The following MACF1 variants were observed in gnomAD, a reference collection of about 807,000 sequenced individuals.
MACF1 encodes the protein microtubule-actin cross-linking factor 1.
MACF1 carries 193 observed loss-of-function variants against 854.8 expected under a neutral mutation model. That is an observed-to-expected ratio of 0.23 (90% CI 0.20 to 0.25). MACF1 has a LOEUF of 0.25. Ranked by LOEUF, MACF1 falls within the 10% of genes least tolerant of loss-of-function variation. The pLI, the probability that MACF1 is intolerant of heterozygous loss-of-function variation, is 1.00. For synonymous variants in MACF1, 3,185 were observed against 3,226.7 expected, an observed-to-expected ratio of 0.99 and a Z score of 0.44; for missense variants, 7,722 against 8,929.1, an observed-to-expected ratio of 0.86 and a Z score of 5.45.
At chr1:39,240,997 G>A (rs1379220071) in intron 2 of MACF1, among the ~76,000 whole-genome samples, 4 of 150,568 alleles carry the variant, frequency 2.7e-5, no homozygotes, top group Non-Finnish European at 5.9e-5. Flanking sequence ...TTTATTCCCT[G>A]CATTTAAGCA....
rs115430156 is a variant in MACF1 at position 39,136,458 on chromosome 1, G to A, written c.220+52020G>A. Among the ~76,000 whole-genome samples, 614 of 152,290 alleles carry A rather than the reference G, an allele frequency of 4.0e-3. 3 individuals carry two copies. The highest frequency in any genetic ancestry group is 0.014 in the African/African-American group (593 of 41,556). ...CTGTGGATTCTCCTGTTTGTTTATA[G>A]GGTGGAAGGCGTGGTTTATACTGGT... On this transcript the variant is annotated intron_variant, in intron 2 of 93. Coordinates refer to the MACF1 transcript ENST00000361689.
In MACF1 at chr1:39,410,188, A is replaced by T. The variant is rs878983239; in HGVS notation, c.15817-12186A>T. 14 of 1,079,502 alleles carry T rather than the reference A, an allele frequency of 1.3e-5. No individual in the cohort carries two copies. The South Asian group carries it at 2.4e-4, about 18-fold the overall frequency. The allele number at this position is 1,079,502 out of a possible 1,614,324, so 66.9% of individuals were successfully genotyped here. A position where few individuals can be genotyped will look rare whatever the true frequency, so the allele number is the denominator to read the frequency against. ...GTATGAACAGCTAAAAGGATTTATA[A>T]CTTATGTAGAATGCATTTGGGGGGA... On this transcript the variant is annotated intron_variant, in intron 58 of 100. Coordinates refer to ENST00000564288, the MANE Select transcript of MACF1 (RefSeq NM_001394062.1).
chr1:39,095,140 A>C (rs1313422764), intron 2 of MACF1, among the ~76,000 whole-genome samples: 3 of 152,136 alleles, frequency 2.0e-5, no homozygotes, highest in African/African-American at 7.2e-5. Context: ...TATGTCTAAC[A>C]CTAACAGTGT....
At chr1:39,285,050 T>G in intron 11 of MACF1, 33 bp from the exon 12 acceptor site, 1 of 1,611,328 alleles carries the variant, frequency 6.2e-7, no homozygotes, top group South Asian at 1.1e-5. Context: ...AGGGCATGGC[T>G]GTGTTTTTGG....
chr1:39,451,969 A>C (rs1644350827), intron 85 of MACF1, among the ~76,000 whole-genome samples, 187 bp from the exon 86 acceptor site: 1 of 152,076 alleles, frequency 6.6e-6, no homozygotes, highest in Admixed American at 6.5e-5. Context: ...CGGCTTCCCA[A>C]AATGCTGGGA....
At chr1:39,477,077 A>ATATACACTTAGTG (rs1557675037) in intron 97 of MACF1, among the ~76,000 whole-genome samples, 253 of 19,194 alleles carry the variant, frequency 0.013, 15 homozygotes, top group African/African-American at 0.028. Context: ...ATATATATAT[A>ATATACACTTAGTG]TATATATATA....
chr1:39,215,809 A>G (rs963101881), intron 1 of MACF1, among the ~76,000 whole-genome samples: 2 of 137,874 alleles, frequency 1.5e-5, no homozygotes, highest in Admixed American at 7.1e-5. Context: ...TGGCGGGAGG[A>G]TGGGGGGTGG....
chr1:39,449,964 A>AT (rs1644305652), intron 84 of MACF1, among the ~76,000 whole-genome samples: 1 of 151,728 alleles, frequency 6.6e-6, no homozygotes, highest in Non-Finnish European at 1.5e-5. Context: ...GGTTCAAGCA[A>AT]TTCTTCTTCC....
intron 80 of MACF1, among the ~76,000 whole-genome samples, 154 bp from the exon 81 acceptor site, chr1:39,447,278 T>C (rs1644249944): frequency 6.6e-6 from 1 of 152,226 alleles, no homozygotes; most frequent in Admixed American, 6.5e-5. Flanking sequence ...TCCCCTTCTT[T>C]ACAAATAAAG....
intron 70 of MACF1, 155 bp from the exon 71 acceptor site, chr1:39,437,622 T>G (rs1307232604): frequency 1.4e-6 from 1 of 706,540 alleles, no homozygotes; most frequent in Non-Finnish European, 2.5e-6. Flanking sequence ...CAAAACAGTT[T>G]CTTAACCAAA....
Position 39,452,271 on chromosome 1 carries a change from A to G in MACF1, c.20534A>G (p.Gln6845Arg). ...ACCACTTGGGTAAAAGGACAGCTCC[A>G]GGAACTGAGCACTCGCTGGGACACT... The part of the protein sequence containing the change: ...DDTTWVKGQL[Q>R]ELSTRWDTVC... Residue 6845 changes from glutamine to arginine, a missense_variant, in exon 86 of 101, where the codon CAG becomes CGG. Transcript: ENST00000564288. The G allele has an allele frequency of 6.2e-7, 1 of 1,614,248 alleles. No homozygotes were observed. The highest frequency in any genetic ancestry group is 8.5e-7 in the Non-Finnish European group (1 of 1,180,032).
In MACF1 at chr1:39,409,181, A is replaced by T. The variant is rs1642864375; in HGVS notation, c.15817-13193A>T. Among the ~76,000 whole-genome samples the T allele has an allele frequency of 6.6e-6, 1 of 151,856 alleles. No individual in the cohort carries two copies. Among genetic ancestry groups the T allele is most frequent in the Non-Finnish European group, 1.5e-5 (1 of 67,946 alleles). ...CTTTTGTTCCCAGCCAGAAGTTTGC[A>T]TGCCGGGACCGTGACAGCTGCGGGC... On this transcript the variant is annotated intron_variant, in intron 58 of 100. Transcript: ENST00000564288. The surrounding 1 kb of genome is among the most constrained non-coding windows in gnomAD (Gnocchi z 4.2).
intron 5 of MACF1, among the ~76,000 whole-genome samples, chr1:39,256,279 A>G (rs2148340192): frequency 6.6e-6 from 1 of 152,252 alleles, no homozygotes; most frequent in East Asian, 1.9e-4. Flanking sequence ...GGACTGAGGA[A>G]TGTGGACTTG....
In MACF1 at chr1:39,287,400, T is replaced by G; in HGVS notation, c.1623T>G (p.Thr541=). 1 of 1,614,118 alleles carries G rather than the reference T, an allele frequency of 6.2e-7. No individual in the cohort carries two copies. Among genetic ancestry groups the G allele is most frequent in the South Asian group, 1.1e-5 (1 of 91,068 alleles). ...ELVPPSTLTT[T]HLKAEPLTKA... ...TTCCACCCTCTACTTTAACCACCACTCATCTGAAAGCAGAACCCTTAACCA... is the reference window on the plus strand; with the variant it reads ...TTCCACCCTCTACTTTAACCACCACGCATCTGAAAGCAGAACCCTTAACCA... Residue 541 remains threonine (T), a synonymous_variant, in exon 15 of 101, where the codon ACT becomes ACG. Coordinates refer to ENST00000564288, the MANE Select transcript of MACF1 (RefSeq NM_001394062.1).
At chr1:39,107,535 C>A (rs1305903331) in intron 2 of MACF1, among the ~76,000 whole-genome samples, 1 of 152,088 alleles carries the variant, frequency 6.6e-6, no homozygotes, top group African/African-American at 2.4e-5. Context: ...ATCTCTCTTC[C>A]CCCCACTGCA....
At chr1:39,427,400 AC>A in intron 61 of MACF1, 54 bp from the exon 62 acceptor site, 1 of 1,491,362 alleles carries the variant, frequency 6.7e-7, no homozygotes, top group Non-Finnish European at 9.3e-7. Context: ...TAGTACTATT[AC>A]CAGTTTTAAT....
intron 2 of MACF1, among the ~76,000 whole-genome samples, chr1:39,109,689 C>T (rs535868177): frequency 3.3e-5 from 5 of 151,276 alleles, no homozygotes; most frequent in Non-Finnish European, 7.4e-5. Flanking sequence ...TTATAATATC[C>T]TGAAGGATAG....
chr1:39,392,561 A>G (rs937215364), intron 58 of MACF1, among the ~76,000 whole-genome samples: 3 of 152,172 alleles, frequency 2.0e-5, no homozygotes, highest in African/African-American at 4.8e-5. Flanking sequence ...AATCTGCACA[A>G]GAGAAGAGGA....
intron 2 of MACF1, among the ~76,000 whole-genome samples, chr1:39,185,291 C>CAA (rs61635259): frequency 1.7e-3 from 217 of 128,652 alleles, no homozygotes; most frequent in African/African-American, 5.6e-3. Context: ...GACTCCGTCT[C>CAA]AAAAAAAAAA....
Sources: allele counts gnomAD v4.1 joint callset (sites outside exome capture counted in the v4.1 genomes callset), GRCh38; gene constraint gnomAD v4.1.1; non-coding constraint Gnocchi (gnomAD v3.1); transcripts MANE v1.5; gene names NCBI Gene and HGNC (gene_info 2026-07-23, HGNC 2026-07-21).